Variants in KANSL1 observed in about 807,000 individuals in gnomAD.
KANSL1 encodes MLL1/MLL complex subunit KANSL1.
KANSL1 carries 22 observed loss-of-function variants against 103.6 expected under a neutral mutation model. The observed-to-expected ratio is 0.21, with a 90% CI of 0.15 to 0.30. The LOEUF is 0.30. KANSL1 is among the 10% of genes least tolerant of loss of function. The probability of loss-of-function intolerance (pLI) is 1.00; values close to 1 mark genes in which losing one functional copy is unlikely to be tolerated. For missense variants in KANSL1, 1,337 were observed against 1,399.8 expected (o/e 0.96, Z 0.72); for synonymous variants, 600 against 527.6 (o/e 1.14, Z -1.88).
chr17:46,072,668 G>C (rs931339911), intron 4 of KANSL1, among the ~76,000 whole-genome samples: 4 of 152,084 alleles, frequency 2.6e-5, no homozygotes, highest in African/African-American at 9.7e-5. Flanking sequence ...ACAAGAAGTG[G>C]AATGTTCTGA....
chr17:46,216,126 G>A (rs1046620811), intron 1 of KANSL1, among the ~76,000 whole-genome samples: 10 of 152,200 alleles, frequency 6.6e-5, no homozygotes, highest in Non-Finnish European at 1.5e-4. Context: ...GTGTATATGG[G>A]ATTGGAGATC....
intron 1 of KANSL1, among the ~76,000 whole-genome samples, chr17:46,202,394 G>A (rs1358438): frequency 0.14 from 21,951 of 152,124 alleles, 2,138 homozygotes; most frequent in Middle Eastern, 0.22. Flanking sequence ...GCAAAAGGCA[G>A]AATTCTCACT....
intron 3 of KANSL1, among the ~76,000 whole-genome samples, chr17:46,087,789 A>G (rs1164434902): frequency 2.0e-5 from 3 of 152,190 alleles, no homozygotes; most frequent in Non-Finnish European, 4.4e-5. Flanking sequence ...AATGTTTCAT[A>G]TGCCACAATA....
At chr17:46,086,805 TA>T (rs1161203311) in intron 3 of KANSL1, among the ~76,000 whole-genome samples, 3 of 151,938 alleles carry the variant, frequency 2.0e-5, no homozygotes, top group African/African-American at 7.3e-5. Context: ...ACAATAATAA[TA>T]AAAATTAGCC....
chr17:46,046,034 A>G (rs1204094663), intron 7 of KANSL1: 2 of 152,204 alleles, frequency 1.3e-5, no homozygotes, highest in African/African-American at 4.8e-5. Flanking sequence ...CGCTGTCTGT[A>G]GCCAGAATCC....
intron 6 of KANSL1, among the ~76,000 whole-genome samples, chr17:46,060,462 G>A (rs561743947): frequency 4.6e-5 from 7 of 152,186 alleles, no homozygotes; most frequent in Middle Eastern, 3.4e-3. Flanking sequence ...ATAAAACACC[G>A]TCATAACAGT....
chr17:46,139,147 A>G lies in KANSL1; in HGVS notation c.1289+31708T>C, dbSNP rs150038132. ...ATCCCCATAATCTAAAACAATACCTAGGACATCACAGGAAACCAATGTCTA... is the reference window on the plus strand; with the variant it reads ...ATCCCCATAATCTAAAACAATACCTGGGACATCACAGGAAACCAATGTCTA... On this transcript the variant is annotated intron_variant, in intron 2 of 14. Transcript: ENST00000432791. 4.8e-3 allele frequency among the ~76,000 whole-genome samples: 738 copies of G among 152,348 alleles called. 7 individuals are homozygous for G. The highest frequency in any genetic ancestry group is 0.017 in the African/African-American group (703 of 41,562).
chr17:46,122,533 C>A (rs1454789222), intron 2 of KANSL1, among the ~76,000 whole-genome samples: 2 of 152,122 alleles, frequency 1.3e-5, no homozygotes, highest in Non-Finnish European at 2.9e-5. Context: ...CTATCGACTA[C>A]AAAAGTGGGT....
intron 2 of KANSL1, among the ~76,000 whole-genome samples, chr17:46,107,168 TTC>T (rs2042602726): frequency 6.6e-6 from 1 of 152,234 alleles, no homozygotes; most frequent in African/African-American, 2.4e-5. Flanking sequence ...AGGGAAGTAT[TTC>T]CTTCAATACC....
chr17:46,168,138 C>G (rs532473082), intron 2 of KANSL1, among the ~76,000 whole-genome samples: 1 of 152,364 alleles, frequency 6.6e-6, no homozygotes, highest in East Asian at 1.9e-4. Flanking sequence ...ATTCATTTCT[C>G]AGCATCAAAG....
intron 2 of KANSL1, among the ~76,000 whole-genome samples, chr17:46,127,385 C>T (rs1380997927): frequency 6.6e-6 from 1 of 152,184 alleles, no homozygotes; most frequent in Non-Finnish European, 1.5e-5. Flanking sequence ...AAGTTAGAAA[C>T]AGTTTTAAAG....
chr17:46,082,128 TTA>T (rs986596266), intron 4 of KANSL1, among the ~76,000 whole-genome samples: 3 of 152,136 alleles, frequency 2.0e-5, no homozygotes, highest in Non-Finnish European at 4.4e-5. Flanking sequence ...AAAGGTGACC[TTA>T]TGTCTCAGGT....
At chr17:46,091,805 A>AAG (rs2146919555) in intron 3 of KANSL1, among the ~76,000 whole-genome samples, 1 of 118,134 alleles carries the variant, frequency 8.5e-6, no homozygotes, top group South Asian at 2.3e-4. Context: ...AAGTATGTAT[A>AAG]TATGTAAGTA....
chr17:46,169,838 A>G (rs2046190441), intron 2 of KANSL1, among the ~76,000 whole-genome samples: 1 of 152,244 alleles, frequency 6.6e-6, no homozygotes, highest in South Asian at 2.1e-4. Context: ...TTGGAGTGCC[A>G]CCCATAAAAA....
At chr17:46,092,702 GTTTTT>G (rs1182576324) in intron 3 of KANSL1, among the ~76,000 whole-genome samples, 5 of 33,434 alleles carry the variant, frequency 1.5e-4, no homozygotes, top group South Asian at 6.6e-4. Flanking sequence ...CTGTTGGGTT[GTTTTT>G]TTTTTTTTGG....
intron 1 of KANSL1, among the ~76,000 whole-genome samples, chr17:46,204,831 G>A (rs1398256982): frequency 3.3e-5 from 5 of 152,136 alleles, no homozygotes; most frequent in Admixed American, 6.5e-5. Flanking sequence ...TATTAATAAA[G>A]GATACAAACC....
intron 1 of KANSL1, among the ~76,000 whole-genome samples, chr17:46,175,909 T>C (rs2532260): frequency 0.12 from 18,444 of 150,440 alleles, 26 homozygotes; most frequent in Middle Eastern, 0.19. Flanking sequence ...CATTGTGTTA[T>C]AGACCAGTTG....
At chr17:46,102,675 G>C (rs1380390044) in intron 2 of KANSL1, among the ~76,000 whole-genome samples, 1 of 152,120 alleles carries the variant, frequency 6.6e-6, no homozygotes, top group Non-Finnish European at 1.5e-5. Context: ...TGTAGTTTTG[G>C]TAGTTTATTT....
At chr17:46,048,111 T>C (rs900945849) in intron 7 of KANSL1, among the ~76,000 whole-genome samples, 13 of 151,956 alleles carry the variant, frequency 8.6e-5, no homozygotes, top group African/African-American at 1.2e-4. Context: ...TTTTGCCATG[T>C]TGCCCATGCT....
Sources: allele counts gnomAD v4.1 joint callset (sites outside exome capture counted in the v4.1 genomes callset), GRCh38; gene constraint gnomAD v4.1.1; transcripts MANE v1.5; gene names NCBI Gene and HGNC (gene_info 2026-07-23, HGNC 2026-07-21).